SPHK1: variants seen among roughly 807,000 people sequenced by gnomAD.
SPHK1 encodes the protein sphingosine kinase 1.
In SPHK1, 10 loss-of-function variants were observed where a neutral mutation model predicts 14.6. The observed-to-expected ratio is 0.68, with a 90% CI of 0.42 to 1.16. The LOEUF is 1.16. SPHK1 is among the 50% of genes most tolerant of loss of function. The pLI is 0.00. For missense variants in SPHK1, 553 were observed against 525.4 expected (o/e 1.05, Z -0.51); for synonymous variants, 274 against 224.0 (o/e 1.22, Z -1.99).
Position 76,387,081 on chromosome 17 carries a change from G to A in SPHK1, c.650G>A (p.Arg217Lys), listed in dbSNP as rs2072002048. ...CGACTGGCCTACCTCCCTGTAGGAAGAGTGGGTTCCAAGACACCTGCCTCC... is the reference window on the plus strand; with the variant it reads ...CGACTGGCCTACCTCCCTGTAGGAAAAGTGGGTTCCAAGACACCTGCCTCC... Reference protein sequence around the residue: ...RGRLAYLPVGRVGSKTPASPV... With the variant: ...RGRLAYLPVGKVGSKTPASPV... Residue 217 changes from arginine (R) to lysine (K), a missense_variant, in exon 6 of 6, where the codon AGA (arginine) becomes AAA (lysine). By Grantham distance (26) the Arg-to-Lys change is conservative (BLOSUM62 2). Coordinates refer to ENST00000592299, the MANE Select transcript of SPHK1 (RefSeq NM_001142601.2). The surrounding 1 kb of genome is among the most constrained non-coding windows in gnomAD (Gnocchi z 4.1). 5.0e-6 allele frequency: 8 copies of A among 1,613,418 alleles called. No homozygotes were observed. Among genetic ancestry groups the A allele is most frequent in the South Asian group, 1.1e-5 (1 of 91,088 alleles).
At position 76,384,821 on chromosome 17, in the gene SPHK1, C is replaced by A. The variant is rs929972109; in HGVS notation, c.-195+15C>A. On this transcript the variant is annotated intron_variant, in intron 1 of 5. Coordinates refer to ENST00000592299, the MANE Select transcript of SPHK1 (RefSeq NM_001142601.2). ...GGACCGACTGGGTAGGGCCGCCCAC[C>A]CTGCCTTCGCGCCGCTCGTGGCTCC... 26 of 324,114 alleles carry A rather than the reference C, an allele frequency of 8.0e-5. No homozygotes were observed. In the Admixed American group the frequency reaches 1.1e-3, roughly 13 times the overall value. 20.1% of individuals were successfully genotyped at this position (324,114 alleles called of 1,614,324 possible). A position where few individuals can be genotyped will look rare whatever the true frequency, so the allele number is the denominator to read the frequency against.
At position 76,385,709 on chromosome 17, in the gene SPHK1, G is replaced by C. The variant is rs2071961781; in HGVS notation, c.10+55G>C. ...TAGGGGGATTCCTGTTCCTCGCCAG[G>C]AATGATGGAACGCCCAGCTGGACGA... On this transcript the variant is annotated intron_variant, in intron 2 of 5. Transcript: ENST00000592299. The surrounding 1 kb of genome is among the most constrained non-coding windows in gnomAD (Gnocchi z 5.3). The C allele has an allele frequency of 1.3e-6, 2 of 1,495,376 alleles. No homozygotes were observed. The highest frequency in any genetic ancestry group is 2.0e-5 in the Admixed American group (1 of 49,632). 92.6% of individuals were successfully genotyped at this position (1,495,376 alleles called of 1,614,324 possible).
chr17:76,387,821 C>G lies in SPHK1; in HGVS notation c.*235C>G. 2.0e-6 allele frequency: 1 copy of G among 499,586 alleles called. No homozygotes were observed. The allele number at this position is 499,586 out of a possible 1,614,324, so 30.9% of individuals were successfully genotyped here. Reference sequence around the variant, plus strand: ...TTCTAGTTTGTTCTGAGACCCCCACCCCACGAACCAAATCCAAATAAAGTG... The same window carrying G: ...TTCTAGTTTGTTCTGAGACCCCCACGCCACGAACCAAATCCAAATAAAGTG... On this transcript the variant is annotated 3_prime_UTR_variant, in exon 6 of 6. Coordinates refer to ENST00000592299, the MANE Select transcript of SPHK1 (RefSeq NM_001142601.2). The surrounding 1 kb of genome is among the most constrained non-coding windows in gnomAD (Gnocchi z 4.1).
upstream of SPHK1, chr17:76,383,504 C>T (rs778782094): frequency 2.9e-4 from 69 of 236,430 alleles, no homozygotes; most frequent in Middle Eastern, 1.8e-3. Context: ...CCTGCCTCTT[C>T]TCGACTTTAA....
At position 76,385,445 on chromosome 17, in the gene SPHK1, C is replaced by T. The variant is rs1235294339; in HGVS notation, c.-194-6C>T. The T allele has an allele frequency of 7.8e-6, 12 of 1,534,010 alleles. No individual in the cohort carries two copies. Among genetic ancestry groups the T allele is most frequent in the South Asian group, 3.6e-5 (3 of 83,734 alleles). On this transcript the variant is annotated splice_region_variant and splice_polypyrimidine_tract_variant and intron_variant, in intron 1 of 5. Coordinates refer to ENST00000592299, the MANE Select transcript of SPHK1 (RefSeq NM_001142601.2). This position sits in a 1 kb window ranked among gnomAD's most constrained non-coding sequence, Gnocchi z 5.3. ...GACTCCGCCAGCGCTGTCTTCTCTCCCTCAGGTCCAGCCGCCGCAGGGAAT... is the reference window on the plus strand; with the variant it reads ...GACTCCGCCAGCGCTGTCTTCTCTCTCTCAGGTCCAGCCGCCGCAGGGAAT...
chr17:76,386,086 G>C lies in SPHK1; in HGVS notation c.112G>C (p.Val38Leu), dbSNP rs200322621. 1.2e-6 allele frequency: 2 copies of C among 1,604,772 alleles called. No individual in the cohort carries two copies. The highest frequency in any genetic ancestry group is 1.3e-5 in the African/African-American group (1 of 74,786). ...GGCCTTGCAGCTCTTCCGGAGTCAC[G>C]TGCAGCCCCTTTTGGCTGAGGCTGA... ...GKALQLFRSH[V>L]QPLLAEAEIS... is the part of the protein sequence containing the mutation. The change falls in exon 3 of 6, where the codon GTG (valine) becomes CTG (leucine). Residue 38 changes from valine to leucine, a missense_variant. Coordinates refer to ENST00000592299, the MANE Select transcript of SPHK1 (RefSeq NM_001142601.2). The surrounding 1 kb of genome is among the most constrained non-coding windows in gnomAD (Gnocchi z 5.3).
rs891800553 is a variant in SPHK1, at chr17:76,386,356, G to A, written c.259-37G>A. 4.4e-6 allele frequency: 7 copies of A among 1,605,234 alleles called. No homozygotes were observed. The highest frequency in any genetic ancestry group is 4.0e-5 in the African/African-American group (3 of 74,776). On this transcript the variant is annotated intron_variant, in intron 4 of 5. Coordinates refer to ENST00000592299, the MANE Select transcript of SPHK1 (RefSeq NM_001142601.2). The surrounding 1 kb of genome is among the most constrained non-coding windows in gnomAD (Gnocchi z 5.3). ...CGCGGCTAGGCCTGGGGCTTGGCGC[G>A]GTGCGTCCCAGGCTGAGGCCACGTG...
rs2071936864 is a variant in SPHK1, at chr17:76,385,031, T to TG, written c.-195+227dup. 1 of 1,507,966 alleles carries TG rather than the reference T, an allele frequency of 6.6e-7. No homozygotes were observed. The highest frequency in any genetic ancestry group is 2.6e-5 in the East Asian group (1 of 38,542). 93.4% of individuals were successfully genotyped at this position (1,507,966 alleles called of 1,614,324 possible). A position where few individuals can be genotyped will look rare whatever the true frequency, so the allele number is the denominator to read the frequency against. On this transcript the variant is annotated intron_variant, in intron 1 of 5. Transcript: ENST00000592299. The surrounding 1 kb of genome is among the most constrained non-coding windows in gnomAD (Gnocchi z 5.3). The stretch of plus-strand genomic sequence containing the variant: ...GCGCGCGCCGCGGCTCCCACCGCTC[T>TG]GGAGCTCCGGGCAGGGGACACGGCA...
rs1406297469 is a variant in SPHK1 at position 76,385,811 on chromosome 17, G to T, written c.10+157G>T. ...CGGCCGAATCTGAGCCAAGGAAGGG[G>T]GTGGCAGGGGCGCCGCGTCCCCACC... On this transcript the variant is annotated intron_variant, in intron 2 of 5. Transcript: ENST00000592299. The surrounding 1 kb of genome is among the most constrained non-coding windows in gnomAD (Gnocchi z 5.3). 3.5e-6 allele frequency: 5 copies of T among 1,419,124 alleles called. No homozygotes were observed. Among genetic ancestry groups the T allele is most frequent in the South Asian group, 1.2e-5 (1 of 80,492 alleles). The allele number at this position is 1,419,124 out of a possible 1,614,324, so 87.9% of individuals were successfully genotyped here. A position where few individuals can be genotyped will look rare whatever the true frequency, so the allele number is the denominator to read the frequency against.
At position 76,385,115 on chromosome 17, in the gene SPHK1, C is replaced by T; in HGVS notation, c.-195+309C>T. On this transcript the variant is annotated intron_variant, in intron 1 of 5. Coordinates refer to ENST00000592299, the MANE Select transcript of SPHK1 (RefSeq NM_001142601.2). This position sits in a 1 kb window ranked among gnomAD's most constrained non-coding sequence, Gnocchi z 5.3. Reference sequence around the variant, plus strand: ...AACTTCGTGCCCAGCAATGTCCGCTCAAGTTCTGGGATTTTTACGCAGCTG... The same window carrying T: ...AACTTCGTGCCCAGCAATGTCCGCTTAAGTTCTGGGATTTTTACGCAGCTG... 6.3e-7 allele frequency: 1 copy of T among 1,584,624 alleles called. No individual in the cohort carries two copies. Among genetic ancestry groups the T allele is most frequent in the Non-Finnish European group, 8.6e-7 (1 of 1,166,188 alleles).
Position 76,385,472 on chromosome 17 carries a change from A to T in SPHK1, c.-173A>T, listed in dbSNP as rs1275850474. The T allele has an allele frequency of 5.8e-6, 9 of 1,558,726 alleles. No homozygotes were observed. Among genetic ancestry groups the T allele is most frequent in the East Asian group, 2.3e-5 (1 of 42,698 alleles). The stretch of plus-strand genomic sequence containing the variant: ...TCAGGTCCAGCCGCCGCAGGGAATG[A>T]CGCCGGTGCTCCTGCAGCCACGGCT... On this transcript the variant is annotated 5_prime_UTR_variant, in exon 2 of 6. Coordinates refer to ENST00000592299, the MANE Select transcript of SPHK1 (RefSeq NM_001142601.2). This position sits in a 1 kb window ranked among gnomAD's most constrained non-coding sequence, Gnocchi z 5.3.
rs888210838 is a variant in SPHK1 at position 76,385,201 on chromosome 17, G to T, written c.-194-250G>T. On this transcript the variant is annotated intron_variant, in intron 1 of 5. Coordinates refer to ENST00000592299, the MANE Select transcript of SPHK1 (RefSeq NM_001142601.2). This position sits in a 1 kb window ranked among gnomAD's most constrained non-coding sequence, Gnocchi z 5.3. ...AGCTAGTCCGTCGGAGGGAGCCACG[G>T]GGCTCTGACTCATCCGTCGGGCCGG... 6.4e-7 allele frequency: 1 copy of T among 1,566,324 alleles called. No homozygotes were observed. Among genetic ancestry groups the T allele is most frequent in the Non-Finnish European group, 8.6e-7 (1 of 1,156,470 alleles).
rs1165903803 is a variant in SPHK1, at chr17:76,386,232, C to A, written c.175C>A (p.His59Asn). The A allele has an allele frequency of 1.9e-6, 3 of 1,595,204 alleles. No homozygotes were observed. The highest frequency in any genetic ancestry group is 2.5e-6 in the Non-Finnish European group (3 of 1,176,670). Residue 59 changes from histidine (H) to asparagine (N), a missense_variant, in exon 4 of 6, where the codon CAC (histidine) becomes AAC (asparagine). Coordinates refer to ENST00000592299, the MANE Select transcript of SPHK1 (RefSeq NM_001142601.2). This position sits in a 1 kb window ranked among gnomAD's most constrained non-coding sequence, Gnocchi z 5.3. ...CGGTCTCCCTGCAGAGCGGCGGAAC[C>A]ACGCGCGGGAGCTGGTGCGGTCGGA... Reference protein sequence around the residue: ...FTLMLTERRNHARELVRSEEL... With the variant: ...FTLMLTERRNNARELVRSEEL...
rs1211420915 is a variant in SPHK1, at chr17:76,386,469, C to G, written c.335C>G (p.Ser112Cys). 1 of 1,612,878 alleles carries G rather than the reference C, an allele frequency of 6.2e-7. No individual in the cohort carries two copies. The highest frequency in any genetic ancestry group is 8.5e-7 in the Non-Finnish European group (1 of 1,179,966). Residue 112 changes from serine (S) to cysteine (C), a missense_variant, in exon 5 of 6, where the codon TCT (serine) becomes TGT (cysteine). Ser to Cys is a moderately radical substitution (Grantham distance 112). Transcript: ENST00000592299. The surrounding 1 kb of genome is among the most constrained non-coding windows in gnomAD (Gnocchi z 5.3). ...CCCCTGTGTAGCCTCCCAGCAGGCT[C>G]TGGCAACGCGCTGGCAGCTTCCTTG... ...QKPLCSLPAG[S>C]GNALAASLNH...
Position 76,385,789 on chromosome 17 carries a change from C to T in SPHK1, c.10+135C>T. On this transcript the variant is annotated intron_variant, in intron 2 of 5. Coordinates refer to ENST00000592299, the MANE Select transcript of SPHK1 (RefSeq NM_001142601.2). This position sits in a 1 kb window ranked among gnomAD's most constrained non-coding sequence, Gnocchi z 5.3. ...TATCCCTCACGAGGCCAGAAGCCGG[C>T]CGAATCTGAGCCAAGGAAGGGGGTG... The T allele has an allele frequency of 7.0e-7, 1 of 1,425,488 alleles. No individual in the cohort carries two copies. Among genetic ancestry groups the T allele is most frequent in the South Asian group, 1.2e-5 (1 of 80,734 alleles). The allele number at this position is 1,425,488 out of a possible 1,614,324, so 88.3% of individuals were successfully genotyped here.
rs1031712822 is a variant in SPHK1 at position 76,386,179 on chromosome 17, A to G, written c.163+42A>G. 1.9e-6 allele frequency: 3 copies of G among 1,588,798 alleles called. No individual in the cohort carries two copies. Among genetic ancestry groups the G allele is most frequent in the Non-Finnish European group, 2.6e-6 (3 of 1,170,674 alleles). ...GGGGGTTTCGGGAGCATCCCCTGGC[A>G]GGGGACCCCCCCAGTCCTGATAGCT... is the stretch of plus-strand genomic sequence containing the variant. On this transcript the variant is annotated intron_variant, in intron 3 of 5. Transcript: ENST00000592299. This position sits in a 1 kb window ranked among gnomAD's most constrained non-coding sequence, Gnocchi z 5.3.
At chr17:76,383,396 G>C (rs2071899398), upstream of SPHK1, 1 of 157,412 alleles carries the variant, frequency 6.4e-6, no homozygotes, top group Non-Finnish European at 1.4e-5. Context: ...TTGGGAAACG[G>C]GGCCGAGCTG....
In SPHK1 at chr17:76,387,599, G is replaced by C. The variant is rs780517638; in HGVS notation, c.*13G>C. The C allele has an allele frequency of 7.7e-6, 12 of 1,564,904 alleles. No individual in the cohort carries two copies. The highest frequency in any genetic ancestry group is 1.0e-5 in the Non-Finnish European group (12 of 1,160,194). On this transcript the variant is annotated 3_prime_UTR_variant, in exon 6 of 6. Transcript: ENST00000592299. This position sits in a 1 kb window ranked among gnomAD's most constrained non-coding sequence, Gnocchi z 4.1. ...AGAGCCCTTATGACCCCTGGGCCGC[G>C]CTGTGCCTTAGTGTCTACTTGCAGG...
rs183510222 is a variant in SPHK1, at chr17:76,386,737, C to G, written c.375-69C>G. ...CATGGCGCTTTGCCAGCTCCCACTC[C>G]CCGGGAGGAGGAAGCGGGGGATACA... On this transcript the variant is annotated intron_variant, in intron 5 of 5. Transcript: ENST00000592299. This position sits in a 1 kb window ranked among gnomAD's most constrained non-coding sequence, Gnocchi z 5.3. The G allele has an allele frequency of 7.2e-4, 1,081 of 1,491,436 alleles. 1 individual carries two copies. Among genetic ancestry groups the G allele is most frequent in the Non-Finnish European group, 9.4e-4 (1,046 of 1,117,226 alleles). The allele number at this position is 1,491,436 out of a possible 1,614,324, so 92.4% of individuals were successfully genotyped here. A position where few individuals can be genotyped will look rare whatever the true frequency, so the allele number is the denominator to read the frequency against.
Sources: gnomAD v4.1 joint callset for allele counts on GRCh38, gnomAD v4.1.1 for gene constraint, Gnocchi (gnomAD v3.1) non-coding constraint, MANE v1.5 for transcripts, NCBI Gene and HGNC (gene_info 2026-07-23, HGNC 2026-07-21) for gene names.